The following PCTP variants were observed in gnomAD, a reference collection of about 807,000 sequenced individuals.
The protein encoded by PCTP is START domain-containing protein 2.
A neutral mutation model predicts 31.0 loss-of-function variants in PCTP; 27 were observed. The ratio of observed to expected loss-of-function variants is 0.87; its 90% confidence interval spans 0.64 to 1.20. The LOEUF (loss-of-function observed/expected upper bound fraction) is 1.20. PCTP is among the 50% of genes most tolerant of loss of function. The pLI, the probability that PCTP is intolerant of heterozygous loss-of-function variation, is 0.00. For synonymous variants in PCTP, 108 were observed against 101.2 expected (o/e 1.07, Z -0.40); for missense variants, 287 against 268.2 (o/e 1.07, Z -0.49).
At chr17:55,822,766 G>T in exon 4 of PCTP, 1 of 1,230,140 alleles carries the variant, frequency 8.1e-7, no homozygotes, top group South Asian at 4.1e-5. Flanking sequence ...TTTAGAATCA[G>T]AGCAGAACCA....
At chr17:55,840,539 T>C (rs1905941697) in intron 5 of PCTP, among the ~76,000 whole-genome samples, 1 of 152,254 alleles carries the variant, frequency 6.6e-6, no homozygotes, top group Non-Finnish European at 1.5e-5. Flanking sequence ...TTTTCCATGG[T>C]TTTGGTTGCC....
chr17:55,800,287 T>C (rs1177759245), intron 3 of PCTP, among the ~76,000 whole-genome samples: 3 of 151,974 alleles, frequency 2.0e-5, no homozygotes, highest in Non-Finnish European at 4.4e-5. Context: ...CATTCTTTTT[T>C]CTGTAATCTT....
rs150129171 is a variant in PCTP, at chr17:55,775,110, C to T, written c.579+251C>T. Among the ~76,000 whole-genome samples the T allele has an allele frequency of 2.8e-3, 422 of 152,144 alleles. 14 individuals are homozygous for T. Among genetic ancestry groups the T allele is most frequent in the Admixed American group, 0.022 (341 of 15,298 alleles). On this transcript the variant is annotated intron_variant, in intron 5 of 5. Coordinates refer to ENST00000268896, the MANE Select transcript of PCTP (RefSeq NM_021213.4). ...TCTCCCTGCTTGTGCCCCAGGACCC[C>T]GCCAGAATCACTCTCTGGAACTTCT...
intron 3 of PCTP, among the ~76,000 whole-genome samples, chr17:55,794,075 A>G (rs1912099076): frequency 1.3e-5 from 2 of 152,130 alleles, no homozygotes; most frequent in African/African-American, 2.4e-5. Flanking sequence ...GAAAGACAGT[A>G]ACTTGTTTTA....
At chr17:55,814,045 C>A (rs977417845) in intron 3 of PCTP, among the ~76,000 whole-genome samples, 16 of 150,040 alleles carry the variant, frequency 1.1e-4, no homozygotes, top group Non-Finnish European at 1.8e-4. Context: ...GGAAGGAAGA[C>A]CCTGTGTCAA....
intron 3 of PCTP, among the ~76,000 whole-genome samples, chr17:55,816,563 C>A (rs1025942614): frequency 1.3e-5 from 2 of 152,190 alleles, no homozygotes; most frequent in African/African-American, 4.8e-5. Flanking sequence ...TTACCCATGG[C>A]GTGTTAATGG....
intron 3 of PCTP, among the ~76,000 whole-genome samples, chr17:55,796,751 G>T (rs1416454478): frequency 6.6e-6 from 1 of 151,962 alleles, no homozygotes; most frequent in Non-Finnish European, 1.5e-5. Flanking sequence ...TCTGAAGCTT[G>T]TAGTTTAAGA....
intron 1 of PCTP, among the ~76,000 whole-genome samples, chr17:55,753,254 C>T (rs1003466869): frequency 1.3e-5 from 2 of 152,192 alleles, no homozygotes; most frequent in African/African-American, 4.8e-5. Context: ...AGTTTTTGGC[C>T]TACCAGCTCT....
chr17:55,848,576 C>G, the PCTP span, among the ~76,000 whole-genome samples: 4 of 152,216 alleles, frequency 2.6e-5, no homozygotes. Context: ...TACTTACCCC[C>G]TCCACAATTT....
chr17:55,763,184 A>G (rs759351437), intron 1 of PCTP, among the ~76,000 whole-genome samples: 11 of 152,162 alleles, frequency 7.2e-5, no homozygotes, highest in Non-Finnish European at 1.5e-4. Context: ...TTATATCTCT[A>G]ATTTTAAGAG....
intron 3 of PCTP, among the ~76,000 whole-genome samples, chr17:55,819,824 T>C (rs1913055587): frequency 6.6e-6 from 1 of 152,180 alleles, no homozygotes; most frequent in Admixed American, 6.5e-5. Context: ...GATTGATATA[T>C]AAATCAATAG....
At chr17:55,761,937 A>G (rs948734696) in intron 1 of PCTP, among the ~76,000 whole-genome samples, 1 of 152,162 alleles carries the variant, frequency 6.6e-6, no homozygotes, top group Non-Finnish European at 1.5e-5. Context: ...GGACTTGGTA[A>G]GGAGAGACTT....
In PCTP at chr17:55,776,420, A is replaced by G; in HGVS notation, c.*320A>G. The G allele has an allele frequency of 8.0e-7, 1 of 1,242,814 alleles. No individual in the cohort carries two copies. Among genetic ancestry groups the G allele is most frequent in the Non-Finnish European group, 1.0e-6 (1 of 994,926 alleles). The allele number at this position is 1,242,814 out of a possible 1,614,324, so 77.0% of individuals were successfully genotyped here. ...TTGCTTGCTTACTATTAGGAGGGGAAGTCTTCAGTAGGGAACACGATCATT... is the reference window on the plus strand; with the variant it reads ...TTGCTTGCTTACTATTAGGAGGGGAGGTCTTCAGTAGGGAACACGATCATT... On this transcript the variant is annotated 3_prime_UTR_variant, in exon 6 of 6. Coordinates refer to ENST00000268896, the MANE Select transcript of PCTP (RefSeq NM_021213.4).
intron 1 of PCTP, among the ~76,000 whole-genome samples, chr17:55,765,191 G>T (rs1320677237): frequency 6.6e-6 from 1 of 152,156 alleles, no homozygotes; most frequent in Non-Finnish European, 1.5e-5. Flanking sequence ...ATTCTGTCTT[G>T]GAATTGATAA....
At chr17:55,811,733 G>T (rs1345662112) in intron 3 of PCTP, among the ~76,000 whole-genome samples, 3 of 152,218 alleles carry the variant, frequency 2.0e-5, no homozygotes, top group African/African-American at 7.2e-5. Flanking sequence ...AGTGTCATTT[G>T]CACATTCAGT....
At chr17:55,773,534 A>G in intron 3 of PCTP, 190 bp from the exon 4 acceptor site, 1 of 557,278 alleles carries the variant, frequency 1.8e-6, no homozygotes, top group Non-Finnish European at 3.2e-6. Context: ...TGGTGAGAAT[A>G]CTAGGTGGTG....
At chr17:55,819,080 G>A (rs193143269) in intron 3 of PCTP, among the ~76,000 whole-genome samples, 129 of 149,378 alleles carry the variant, frequency 8.6e-4, no homozygotes, top group African/African-American at 2.9e-3. Context: ...AGAAAACAGC[G>A]GCATTGTTGT....
downstream of PCTP, among the ~76,000 whole-genome samples, chr17:55,778,568 C>T (rs1400513028): frequency 1.3e-5 from 2 of 149,148 alleles, no homozygotes; most frequent in Non-Finnish European, 3.0e-5. Flanking sequence ...GCTCAATCCC[C>T]ATGGATTCAA....
intron 5 of PCTP, chr17:55,775,283 C>CG: frequency 1.0e-6 from 1 of 979,646 alleles, no homozygotes; most frequent in East Asian, 3.9e-5. Context: ...TGTTGTTGCC[C>CG]TTTTTTTTTT....
Sources: gnomAD v4.1 joint callset for allele counts (sites outside exome capture counted in the v4.1 genomes callset) on GRCh38, gnomAD v4.1.1 for gene constraint, MANE v1.5 for transcripts, NCBI Gene and HGNC (gene_info 2026-07-23, HGNC 2026-07-21) for gene names.